GJA4: variants seen among roughly 807,000 people sequenced by gnomAD.
GJA4 encodes gap junction protein alpha 4, also known as gap junction alpha-4 protein.
GJA4 carries 13 observed loss-of-function variants against 25.1 expected under a neutral mutation model. The ratio of observed to expected loss-of-function variants is 0.52; its 90% CI spans 0.34 to 0.82. The LOEUF is 0.82. Among genes scored for constraint, GJA4 ranks in the 40% least tolerant of loss-of-function variants. The probability of loss-of-function intolerance (pLI) is 0.02; values close to 1 mark genes in which losing one functional copy is unlikely to be tolerated. For missense variants in GJA4, 357 were observed against 443.5 expected, an observed-to-expected ratio of 0.80 and a Z score of 1.75; for synonymous variants, 167 against 193.9, an observed-to-expected ratio of 0.86 and a Z score of 1.15.
rs143380983 is a variant in GJA4 at position 34,794,267 on chromosome 1, G to A, written c.54G>A (p.Ser18=). 1.9e-5 allele frequency: 30 copies of A among 1,614,028 alleles called. No homozygotes were observed. The highest frequency in any genetic ancestry group is 1.3e-4 in the African/African-American group (10 of 74,926). ...TGCTGGACCAGGTCCAGGAGCACTC[G>A]ACCGTGGTGGGTAAGATCTGGCTGA... ...EKLLDQVQEH[S]TVVGKIWLTV... is the part of the protein sequence containing the mutation. The change falls in exon 2 of 2, where the codon TCG becomes TCA. Residue 18 remains serine (S), a synonymous_variant. Transcript: ENST00000342280. This position sits in a 1 kb window ranked among gnomAD's most constrained non-coding sequence, Gnocchi z 7.8.
chr1:34,794,488 A>G lies in GJA4; in HGVS notation c.275A>G (p.Tyr92Cys). The G allele has an allele frequency of 6.2e-7, 1 of 1,613,996 alleles. No homozygotes were observed. The highest frequency in any genetic ancestry group is 8.5e-7 in the Non-Finnish European group (1 of 1,179,988). Residue 92 changes from tyrosine (Y) to cysteine (C), a missense_variant, in exon 2 of 2, where the codon TAC becomes TGC. Tyr to Cys is a radical substitution (Grantham distance 194). Coordinates refer to ENST00000342280, the MANE Select transcript of GJA4 (RefSeq NM_002060.3). This position sits in a 1 kb window ranked among gnomAD's most constrained non-coding sequence, Gnocchi z 7.8. The part of the protein sequence containing the change: ...FLFVSTPTLV[Y>C]LGHVIYLSRR... ...TTCGTCAGCACACCCACCCTGGTCTACCTGGGCCATGTCATTTACCTGTCT... is the reference window on the plus strand; with the variant it reads ...TTCGTCAGCACACCCACCCTGGTCTGCCTGGGCCATGTCATTTACCTGTCT...
In GJA4 at chr1:34,793,003, G is replaced by A. The variant is rs924315355; in HGVS notation, c.-83G>A. 5 of 350,636 alleles carry A rather than the reference G, an allele frequency of 1.4e-5. No individual in the cohort carries two copies. Among genetic ancestry groups the A allele is most frequent in the East Asian group, 7.6e-5 (1 of 13,178 alleles). The allele number at this position is 350,636 out of a possible 1,614,324, so 21.7% of individuals were successfully genotyped here. On this transcript the variant is annotated 5_prime_UTR_variant, in exon 1 of 2. Coordinates refer to ENST00000342280, the MANE Select transcript of GJA4 (RefSeq NM_002060.3). ...CCCCCGCCGCTCGTGCGGTCCAGCA[G>A]GGCTCCCGCGGGCGTCACTCCGGCC...
At position 34,794,025 on chromosome 1, in the gene GJA4, G is replaced by T. The variant is rs1640231367; in HGVS notation, c.-17-172G>T. The T allele has an allele frequency of 4.9e-6, 3 of 606,854 alleles. No individual in the cohort carries two copies. The highest frequency in any genetic ancestry group is 5.8e-6 in the Non-Finnish European group (2 of 344,216). 37.6% of individuals were successfully genotyped at this position (606,854 alleles called of 1,614,324 possible). ...GGGCAGCCATCATCCAAAAATCTGG[G>T]TTGGGTCCTGCCTGCACTGCTGAGT... On this transcript the variant is annotated intron_variant, in intron 1 of 1. Transcript: ENST00000342280. The surrounding 1 kb of genome is among the most constrained non-coding windows in gnomAD (Gnocchi z 7.8).
intron 1 of GJA4, among the ~76,000 whole-genome samples, chr1:34,793,711 G>C (rs565587843): frequency 1.3e-5 from 2 of 152,286 alleles, no homozygotes; most frequent in South Asian, 4.1e-4. Context: ...GCAGGGACCT[G>C]AGGCTTTGAG....
Position 34,794,342 on chromosome 1 carries a change from A to G in GJA4, c.129A>G (p.Ser43=), listed in dbSNP as rs772030675. The change falls in exon 2 of 2, where the codon TCA becomes TCG. Residue 43 remains serine (S), a synonymous_variant. Coordinates refer to ENST00000342280, the MANE Select transcript of GJA4 (RefSeq NM_002060.3). The surrounding 1 kb of genome is among the most constrained non-coding windows in gnomAD (Gnocchi z 7.8). ...TCATCCTGGGCCTGGCCGGCGAGTC[A>G]GTGTGGGGTGACGAGCAATCAGATT... is the stretch of plus-strand genomic sequence containing the variant. ...RILILGLAGE[S]VWGDEQSDFE... 1 of 1,614,172 alleles carries G rather than the reference A, an allele frequency of 6.2e-7. No individual in the cohort carries two copies. The highest frequency in any genetic ancestry group is 1.1e-5 in the South Asian group (1 of 91,078).
Position 34,795,167 on chromosome 1 carries a change from A to G in GJA4, c.954A>G (p.Lys318=). ...ACCCACCCCCTCAGAATGGCCAAAAACCCCCAAGTCGTCCCAGCAGCTCTG... is the reference window on the plus strand; with the variant it reads ...ACCCACCCCCTCAGAATGGCCAAAAGCCCCCAAGTCGTCCCAGCAGCTCTG... ...FLDPPPQNGQ[K]PPSRPSSSAS... is the part of the protein sequence containing the mutation. Residue 318 remains lysine, a synonymous_variant, in exon 2 of 2, where the codon AAA becomes AAG. Coordinates refer to ENST00000342280, the MANE Select transcript of GJA4 (RefSeq NM_002060.3). The G allele has an allele frequency of 6.2e-7, 1 of 1,612,790 alleles. No individual in the cohort carries two copies. Among genetic ancestry groups the G allele is most frequent in the Non-Finnish European group, 8.5e-7 (1 of 1,179,254 alleles).
intron 1 of GJA4, chr1:34,793,973 A>C (rs1640230610): frequency 1.8e-6 from 1 of 570,582 alleles, no homozygotes. Flanking sequence ...ACCTTAGCCA[A>C]AGCAGAATGA....
chr1:34,793,510 G>A (rs1640219687), intron 1 of GJA4, among the ~76,000 whole-genome samples: 2 of 152,230 alleles, frequency 1.3e-5, no homozygotes, highest in African/African-American at 4.8e-5. Context: ...GGAGGTGGAA[G>A]GGGGTGGGAG....
chr1:34,795,285 C>G lies in GJA4; in HGVS notation c.*70C>G, dbSNP rs966065194. On this transcript the variant is annotated 3_prime_UTR_variant, in exon 2 of 2. Coordinates refer to ENST00000342280, the MANE Select transcript of GJA4 (RefSeq NM_002060.3). ...TGGCTGCCTGGGATGCCCCCTGCCC[C>G]CTCCTGGAAGGCTCTGCAGAGATGA... 7 of 981,342 alleles carry G rather than the reference C, an allele frequency of 7.1e-6. No homozygotes were observed. The highest frequency in any genetic ancestry group is 4.5e-5 in the Admixed American group (2 of 44,170). 60.8% of individuals were successfully genotyped at this position (981,342 alleles called of 1,614,324 possible). A position where few individuals can be genotyped will look rare whatever the true frequency, so the allele number is the denominator to read the frequency against.
At position 34,795,334 on chromosome 1, in the gene GJA4, G is replaced by C. The variant is rs1156338221; in HGVS notation, c.*119G>C. 3.3e-5 allele frequency: 22 copies of C among 660,652 alleles called. No individual in the cohort carries two copies. The highest frequency in any genetic ancestry group is 5.9e-5 in the Non-Finnish European group (22 of 374,496). The allele number at this position is 660,652 out of a possible 1,614,324, so 40.9% of individuals were successfully genotyped here. A position where few individuals can be genotyped will look rare whatever the true frequency, so the allele number is the denominator to read the frequency against. ...GACTGGGCTGGGGAAGCAGGTGCTT[G>C]CTGGCCATGGAGCCTCATTGCAAGT... On this transcript the variant is annotated 3_prime_UTR_variant, in exon 2 of 2. Coordinates refer to ENST00000342280, the MANE Select transcript of GJA4 (RefSeq NM_002060.3).
In GJA4 at chr1:34,795,272, ATGCCCCC is replaced by A; in HGVS notation, c.*66_*72del. 1.7e-6 allele frequency: 2 copies of A among 1,158,242 alleles called. No individual in the cohort carries two copies. Among genetic ancestry groups the A allele is most frequent in the Non-Finnish European group, 2.5e-6 (2 of 800,404 alleles). The allele number at this position is 1,158,242 out of a possible 1,614,324, so 71.7% of individuals were successfully genotyped here. ...GTCCTGAGAAGTCTGGCTGCCTGGG[ATGCCCCC>A]TGCCCCCTCCTGGAAGGCTCTGCAG... On this transcript the variant is annotated 3_prime_UTR_variant, in exon 2 of 2. Coordinates refer to ENST00000342280, the MANE Select transcript of GJA4 (RefSeq NM_002060.3).
intron 1 of GJA4, among the ~76,000 whole-genome samples, chr1:34,793,489 G>A (rs1377780324): frequency 6.6e-6 from 1 of 152,222 alleles, no homozygotes; most frequent in Non-Finnish European, 1.5e-5. Context: ...GAATTTGCCA[G>A]CATCAGCTTT....
intron 1 of GJA4, among the ~76,000 whole-genome samples, chr1:34,793,555 C>T (rs1167039090): frequency 6.6e-6 from 1 of 152,194 alleles, no homozygotes; most frequent in African/African-American, 2.4e-5. Flanking sequence ...CCAAATGTCC[C>T]TCCTCAAGTG....
Position 34,795,565 on chromosome 1 carries a change from G to A in GJA4, c.*350G>A, listed in dbSNP as rs697372. ...CACCCTATGGAACAGTCACCTGTGC[G>A]CAGGTTGTCCTCAAACCCTCTCCTC... On this transcript the variant is annotated 3_prime_UTR_variant, in exon 2 of 2. Coordinates refer to ENST00000342280, the MANE Select transcript of GJA4 (RefSeq NM_002060.3). 59,293 of 234,776 alleles carry A rather than the reference G, an allele frequency of 0.25. 8,824 individuals carry two copies. The highest frequency in any genetic ancestry group is 0.44 in the African/African-American group (19,172 of 43,682). The allele number at this position is 234,776 out of a possible 1,614,324, so 14.5% of individuals were successfully genotyped here. A position where few individuals can be genotyped will look rare whatever the true frequency, so the allele number is the denominator to read the frequency against.
Position 34,795,244 on chromosome 1 carries a change from G to A in GJA4, c.*29G>A. The A allele has an allele frequency of 6.6e-7, 1 of 1,522,648 alleles. No individual in the cohort carries two copies. The highest frequency in any genetic ancestry group is 8.9e-7 in the Non-Finnish European group (1 of 1,120,408). 94.3% of individuals were successfully genotyped at this position (1,522,648 alleles called of 1,614,324 possible). A position where few individuals can be genotyped will look rare whatever the true frequency, so the allele number is the denominator to read the frequency against. On this transcript the variant is annotated 3_prime_UTR_variant, in exon 2 of 2. Coordinates refer to ENST00000342280, the MANE Select transcript of GJA4 (RefSeq NM_002060.3). The stretch of plus-strand genomic sequence containing the variant: ...CCTGTGGCTTATGTCACCCAACAGA[G>A]GGGTCCTGAGAAGTCTGGCTGCCTG...
At chr1:34,793,340 C>T (rs968873665) in intron 1 of GJA4, among the ~76,000 whole-genome samples, 6 of 152,244 alleles carry the variant, frequency 3.9e-5, no homozygotes, top group African/African-American at 1.4e-4. Flanking sequence ...GCCGCAGTTA[C>T]TAAAAGGCAA....
rs377389117 is a variant in GJA4 at position 34,793,032 on chromosome 1, G to C, written c.-54G>C. 1 of 345,968 alleles carries C rather than the reference G, an allele frequency of 2.9e-6. No homozygotes were observed. Among genetic ancestry groups the C allele is most frequent in the African/African-American group, 2.2e-5 (1 of 46,312 alleles). 21.4% of individuals were successfully genotyped at this position (345,968 alleles called of 1,614,324 possible). On this transcript the variant is annotated 5_prime_UTR_variant, in exon 1 of 2. Coordinates refer to ENST00000342280, the MANE Select transcript of GJA4 (RefSeq NM_002060.3). ...TCCCGCGGGCGTCACTCCGGCCATC[G>C]TCCCCACCTCCACCTGGGCCGCCCG... is the stretch of plus-strand genomic sequence containing the variant.
chr1:34,794,058 T>A lies in GJA4; in HGVS notation c.-17-139T>A. 1.4e-6 allele frequency: 1 copy of A among 692,956 alleles called. No individual in the cohort carries two copies. The highest frequency in any genetic ancestry group is 2.4e-6 in the Non-Finnish European group (1 of 417,210). 42.9% of individuals were successfully genotyped at this position (692,956 alleles called of 1,614,324 possible). The stretch of plus-strand genomic sequence containing the variant: ...CTGCCTGCACTGCTGAGTGGGAGCC[T>A]CCAGGCCAGTCCTTCCCCTTCCTGA... On this transcript the variant is annotated intron_variant, in intron 1 of 1. Transcript: ENST00000342280. This position sits in a 1 kb window ranked among gnomAD's most constrained non-coding sequence, Gnocchi z 7.8.
In GJA4 at chr1:34,793,021, C is replaced by T. The variant is rs1428528422; in HGVS notation, c.-65C>T. On this transcript the variant is annotated 5_prime_UTR_variant, in exon 1 of 2. Coordinates refer to ENST00000342280, the MANE Select transcript of GJA4 (RefSeq NM_002060.3). ...TCCAGCAGGGCTCCCGCGGGCGTCACTCCGGCCATCGTCCCCACCTCCACC... is the reference window on the plus strand; with the variant it reads ...TCCAGCAGGGCTCCCGCGGGCGTCATTCCGGCCATCGTCCCCACCTCCACC... The T allele has an allele frequency of 2.3e-5, 8 of 348,178 alleles. No homozygotes were observed. Among genetic ancestry groups the T allele is most frequent in the African/African-American group, 1.1e-4 (5 of 46,614 alleles). 21.6% of individuals were successfully genotyped at this position (348,178 alleles called of 1,614,324 possible).
Sources: allele counts gnomAD v4.1 joint callset (sites outside exome capture counted in the v4.1 genomes callset), GRCh38; gene constraint gnomAD v4.1.1; non-coding constraint Gnocchi (gnomAD v3.1); transcripts MANE v1.5; gene names NCBI Gene and HGNC (gene_info 2026-07-23, HGNC 2026-07-21).